Variants in DCC observed in about 807,000 individuals in gnomAD.
The protein encoded by DCC is DCC netrin 1 receptor, also known as netrin receptor DCC.
DCC carries 58 observed loss-of-function variants against 172.5 expected under a neutral mutation model. The ratio of observed to expected loss-of-function variants is 0.34; its 90% CI spans 0.27 to 0.42. The LOEUF is 0.42. DCC is among the 10% of genes least tolerant of loss of function. The pLI, the probability that DCC is intolerant of heterozygous loss-of-function variation, is 1.00. For missense variants in DCC, 1,740 were observed against 1,791.0 expected (o/e 0.97, Z 0.51); for synonymous variants, 709 against 644.5 (o/e 1.10, Z -1.52).
intron 2 of DCC, among the ~76,000 whole-genome samples, chr18:52,884,650 CTCTG>C (rs1372976132): frequency 9.9e-5 from 15 of 152,218 alleles, no homozygotes; most frequent in African/African-American, 3.6e-4. Flanking sequence ...ATTTTGAATT[CTCTG>C]TCTGAAAGGT....
At chr18:53,501,995 G>T (rs2046106688) in intron 27 of DCC, among the ~76,000 whole-genome samples, 1 of 152,156 alleles carries the variant, frequency 6.6e-6, no homozygotes, top group African/African-American at 2.4e-5. Context: ...CAGTTGTGCT[G>T]TTTCTATACT....
intron 12 of DCC, among the ~76,000 whole-genome samples, chr18:53,247,073 T>C (rs1304635842): frequency 6.6e-6 from 1 of 152,062 alleles, no homozygotes; most frequent in Non-Finnish European, 1.5e-5. Context: ...GCATTACACT[T>C]CTACTGAAGT....
intron 1 of DCC, among the ~76,000 whole-genome samples, chr18:52,382,398 A>G (rs2144327102): frequency 6.6e-6 from 1 of 152,264 alleles, no homozygotes; most frequent in South Asian, 2.1e-4. Flanking sequence ...GTTATATTCT[A>G]TTCTGTTCCT....
chr18:53,335,577 C>A (rs1412376050), intron 14 of DCC, among the ~76,000 whole-genome samples: 1 of 152,078 alleles, frequency 6.6e-6, no homozygotes, highest in Non-Finnish European at 1.5e-5. Flanking sequence ...AACATGCCTA[C>A]ATACATGTTA....
At chr18:53,458,627 C>T (rs17417046) in intron 23 of DCC, among the ~76,000 whole-genome samples, 49,494 of 152,090 alleles carry the variant, frequency 0.33, 9,938 homozygotes, top group Non-Finnish European at 0.47. Flanking sequence ...TGTTCTTCTC[C>T]TTTCAAAGGA....
At chr18:52,474,206 TAGAGAGAGAGAGAGAGAGAG>T (rs61277582) in intron 1 of DCC, among the ~76,000 whole-genome samples, 1 of 100,628 alleles carries the variant, frequency 9.9e-6, no homozygotes, top group Non-Finnish European at 2.0e-5. Flanking sequence ...GTAACAGACC[TAGAGAGAGAGAGAGAGAGAG>T]AGAGAGAGAG....
rs867666822 is a variant in DCC at position 53,069,497 on chromosome 18, A to T, written c.1261+3331A>T. On this transcript the variant is annotated intron_variant, in intron 7 of 28. Coordinates refer to ENST00000442544, the MANE Select transcript of DCC (RefSeq NM_005215.4). ...CACTAGAGTGATGGCGCCTGGATGG[A>T]GCTGAGCTAGGAGGGTGGCGCAGGT... Among the ~76,000 whole-genome samples the T allele has an allele frequency of 6.6e-5, 10 of 152,068 alleles. No homozygotes were observed. In the Middle Eastern group the frequency reaches 0.01, roughly 155 times the overall value.
intron 5 of DCC, among the ~76,000 whole-genome samples, chr18:52,956,595 A>G (rs922375975): frequency 6.6e-6 from 1 of 152,052 alleles, no homozygotes; most frequent in Non-Finnish European, 1.5e-5. Context: ...TTGCCTTTCC[A>G]TATAAACTTT....
intron 1 of DCC, among the ~76,000 whole-genome samples, chr18:52,369,782 A>G (rs1985037932): frequency 6.6e-6 from 1 of 152,100 alleles, no homozygotes; most frequent in South Asian, 2.1e-4. Context: ...ATGACTATAT[A>G]TCTCAGAGAA....
intron 12 of DCC, among the ~76,000 whole-genome samples, chr18:53,270,990 T>C (rs1408348982): frequency 6.6e-6 from 1 of 152,144 alleles, no homozygotes; most frequent in African/African-American, 2.4e-5. Flanking sequence ...TGTTAAGGCA[T>C]AAAATTTTCA....
intron 1 of DCC, among the ~76,000 whole-genome samples, chr18:52,571,694 C>A (rs1048634257): frequency 1.3e-5 from 2 of 152,130 alleles, no homozygotes; most frequent in African/African-American, 4.8e-5. Context: ...GCTGCTGAGA[C>A]AGTGGAGGCT....
intron 2 of DCC, among the ~76,000 whole-genome samples, chr18:52,761,112 A>C (rs2037152985): frequency 6.6e-6 from 1 of 152,246 alleles, no homozygotes; most frequent in South Asian, 2.1e-4. Flanking sequence ...ATTACAGTCT[A>C]CATGGCTGGG....
intron 1 of DCC, among the ~76,000 whole-genome samples, chr18:52,642,017 T>C (rs866213119): frequency 0.051 from 465 of 9,032 alleles, 4 homozygotes; most frequent in African/African-American, 0.059. Flanking sequence ...TGTGTGTGTA[T>C]ATATATATAT....
chr18:52,462,580 G>A (rs938834777), intron 1 of DCC, among the ~76,000 whole-genome samples: 9 of 151,994 alleles, frequency 5.9e-5, no homozygotes, highest in African/African-American at 1.7e-4. Flanking sequence ...TTGTGAGGCC[G>A]TCCCTGAGCT....
intron 9 of DCC, 85 bp downstream of exon 9, chr18:53,179,201 G>A (rs116270899): frequency 5.5e-5 from 75 of 1,369,544 alleles, no homozygotes; most frequent in East Asian, 5.4e-4. Context: ...GAACCTTTGC[G>A]AAGTGACAAA....
chr18:53,284,635 T>C (rs2056915224), intron 12 of DCC, among the ~76,000 whole-genome samples: 3 of 152,030 alleles, frequency 2.0e-5, no homozygotes, highest in Admixed American at 6.6e-5. Flanking sequence ...ATACAGTAAA[T>C]TGGTAGTGGG....
intron 2 of DCC, among the ~76,000 whole-genome samples, chr18:52,766,045 T>C (rs2037245726): frequency 6.6e-6 from 1 of 152,100 alleles, no homozygotes; most frequent in Admixed American, 6.5e-5. Flanking sequence ...TCTCAACTCC[T>C]TGTGGAGGGA....
chr18:52,874,256 C>T (rs753553436), intron 2 of DCC, among the ~76,000 whole-genome samples: 15 of 152,084 alleles, frequency 9.9e-5, no homozygotes, highest in Non-Finnish European at 2.1e-4. Context: ...AAGCCAATTA[C>T]TTTTAATGAC....
At chr18:52,881,438 TAG>T (rs1194037304) in intron 2 of DCC, among the ~76,000 whole-genome samples, 1 of 152,172 alleles carries the variant, frequency 6.6e-6, no homozygotes, top group Admixed American at 6.5e-5. Flanking sequence ...ACCAAGGTTC[TAG>T]AGAGTTCCCC....
Sources: allele counts gnomAD v4.1 joint callset (sites outside exome capture counted in the v4.1 genomes callset), GRCh38; gene constraint gnomAD v4.1.1; transcripts MANE v1.5; gene names NCBI Gene and HGNC (gene_info 2026-07-23, HGNC 2026-07-21).